The following SGCD variants were observed in gnomAD, a reference collection of about 807,000 sequenced individuals.
SGCD encodes delta-sarcoglycan.
Under a neutral mutation model 36.6 loss-of-function variants are expected in SGCD, and 18 were observed. That is an observed-to-expected ratio of 0.49 (90% CI 0.34 to 0.73). The LOEUF (loss-of-function observed/expected upper bound fraction) is 0.73, where lower values mean the gene tolerates loss of function less well. SGCD is among the 30% of genes least tolerant of loss of function. The probability of loss-of-function intolerance (pLI) is 0.01; values close to 1 mark genes in which losing one functional copy is unlikely to be tolerated. For synonymous variants in SGCD, 133 were observed against 130.6 expected (o/e 1.02, Z -0.12); for missense variants, 387 against 346.7 (o/e 1.12, Z -0.92).
chr5:156,341,108 G>C (rs1768629330), intron 2 of SGCD, among the ~76,000 whole-genome samples: 1 of 152,098 alleles, frequency 6.6e-6, no homozygotes, highest in Non-Finnish European at 1.5e-5. Flanking sequence ...GCCACTATAC[G>C]ATGCAGCAAA....
intron 3 of SGCD, among the ~76,000 whole-genome samples, chr5:156,132,348 T>C (rs573546574): frequency 6.6e-6 from 1 of 152,138 alleles, no homozygotes; most frequent in African/African-American, 2.4e-5. Flanking sequence ...GTCCTAATAT[T>C]CATGTGGATC....
At chr5:156,033,117 C>CAA (rs112923523) in intron 1 of SGCD, among the ~76,000 whole-genome samples, 6 of 150,230 alleles carry the variant, frequency 4.0e-5, no homozygotes, top group South Asian at 2.1e-4. Context: ...TATAAAAAAA[C>CAA]AAAAAAAAAG....
intron 3 of SGCD, among the ~76,000 whole-genome samples, chr5:156,296,684 A>G (rs940369278): frequency 6.6e-6 from 1 of 152,154 alleles, no homozygotes; most frequent in African/African-American, 2.4e-5. Flanking sequence ...TTTTAAATCT[A>G]ATGAGTCTTA....
intron 3 of SGCD, among the ~76,000 whole-genome samples, chr5:156,311,798 G>C (rs150279558): frequency 3.6e-4 from 55 of 152,278 alleles, no homozygotes; most frequent in African/African-American, 1.3e-3. Flanking sequence ...TTACTTAGTG[G>C]TGTGCTAGAC....
At chr5:155,905,488 C>T (rs1256549907) in intron 1 of SGCD, among the ~76,000 whole-genome samples, 1 of 152,074 alleles carries the variant, frequency 6.6e-6, no homozygotes, top group Non-Finnish European at 1.5e-5. Context: ...GAATGCCTAC[C>T]CTGACTGAGC....
chr5:155,829,643 C>T, the SGCD span, among the ~76,000 whole-genome samples: 2 of 152,154 alleles, frequency 1.3e-5, no homozygotes, highest in African/African-American at 4.8e-5. Context: ...TAACTCATAG[C>T]CTGTTTGAAA....
chr5:155,943,471 T>G (rs1757374888), intron 1 of SGCD, among the ~76,000 whole-genome samples: 1 of 152,188 alleles, frequency 6.6e-6, no homozygotes, highest in Non-Finnish European at 1.5e-5. Flanking sequence ...CAAGAAACTG[T>G]GCTTGATCTA....
At chr5:156,166,974 A>G (rs929088980) in intron 3 of SGCD, among the ~76,000 whole-genome samples, 16 of 152,016 alleles carry the variant, frequency 1.1e-4, no homozygotes, top group African/African-American at 2.4e-5. Flanking sequence ...TTGATTCTCC[A>G]TTCTGACCTT....
chr5:156,159,119 G>A (rs185347895), intron 3 of SGCD, among the ~76,000 whole-genome samples: 16 of 151,606 alleles, frequency 1.1e-4, no homozygotes, highest in Admixed American at 1.0e-3. Flanking sequence ...CACCATTATA[G>A]GAATGGTAAT....
chr5:156,264,060 AG>A lies in SGCD; in HGVS notation c.-43-65473del, dbSNP rs558175022. Among the ~76,000 whole-genome samples the A allele has an allele frequency of 3.7e-3, 560 of 152,160 alleles. 1 individual carries two copies. The highest frequency in any genetic ancestry group is 0.014 in the Middle Eastern group (4 of 294). The stretch of plus-strand genomic sequence containing the variant: ...TTGTTTAGATTGATTGTAAAAAAAA[AG>A]AAAAGAGGATAGTTAGGAAATAGAG... On this transcript the variant is annotated intron_variant, in intron 3 of 9. Coordinates refer to the SGCD transcript ENST00000517913.
In SGCD at chr5:156,697,277, C is replaced by T. The variant is rs537661434; in HGVS notation, c.575+49741C>T. Among the ~76,000 whole-genome samples the T allele has an allele frequency of 3.3e-5, 5 of 152,188 alleles. No homozygotes were observed. In the South Asian group the frequency reaches 1.0e-3, roughly 32 times the overall value. On this transcript the variant is annotated intron_variant, in intron 7 of 8. Coordinates refer to ENST00000337851, the MANE Select transcript of SGCD (RefSeq NM_000337.6). ...TATCTCAATATAGTTGCTTCAGAAA[C>T]AGTATTTAGCATTTGGTTGTTGTTG... is the stretch of plus-strand genomic sequence containing the variant.
the SGCD span, among the ~76,000 whole-genome samples, chr5:155,785,100 C>T: frequency 6.6e-6 from 1 of 151,934 alleles, no homozygotes; most frequent in Non-Finnish European, 1.5e-5. Flanking sequence ...GCACGGTGTT[C>T]ATAGCAAAAC....
At chr5:155,798,523 G>A in the SGCD span, among the ~76,000 whole-genome samples, 43 of 152,126 alleles carry the variant, frequency 2.8e-4, no homozygotes, top group African/African-American at 9.2e-4. Flanking sequence ...TAATTGTATG[G>A]TATGTGTTGG....
intron 7 of SGCD, among the ~76,000 whole-genome samples, chr5:156,678,870 C>A (rs1369703756): frequency 6.6e-6 from 1 of 152,200 alleles, no homozygotes; most frequent in African/African-American, 2.4e-5. Context: ...ATTTTCCACA[C>A]CTGAGAAACC....
the SGCD span, among the ~76,000 whole-genome samples, chr5:155,851,152 C>G: frequency 6.6e-6 from 1 of 152,140 alleles, no homozygotes; most frequent in Non-Finnish European, 1.5e-5. Flanking sequence ...CTTAGTCACA[C>G]ATATCAACTT....
the SGCD span, among the ~76,000 whole-genome samples, chr5:155,738,848 T>C: frequency 1.4e-5 from 2 of 146,428 alleles, no homozygotes; most frequent in African/African-American, 5.0e-5. Flanking sequence ...TGAGAGAGTA[T>C]GTATATGAGA....
intron 4 of SGCD, among the ~76,000 whole-genome samples, chr5:156,544,141 G>A (rs930815034): frequency 2.0e-5 from 3 of 152,174 alleles, no homozygotes; most frequent in Non-Finnish European, 4.4e-5. Flanking sequence ...CTTAGTCTAG[G>A]TGATATTAGC....
At chr5:156,306,277 G>C (rs985057463) in intron 3 of SGCD, among the ~76,000 whole-genome samples, 1 of 152,124 alleles carries the variant, frequency 6.6e-6, no homozygotes, top group Admixed American at 6.5e-5. Flanking sequence ...TCTTTCCCAT[G>C]CTGTTCTCAT....
chr5:155,742,673 A>G, the SGCD span, among the ~76,000 whole-genome samples: 12 of 152,312 alleles, frequency 7.9e-5, no homozygotes, highest in African/African-American at 2.6e-4. Context: ...CAAGCAAGCC[A>G]TTCTCCAGCA....
Sources: gnomAD v4.1 joint callset for allele counts (sites outside exome capture counted in the v4.1 genomes callset) on GRCh38, gnomAD v4.1.1 for gene constraint, MANE v1.5 for transcripts, NCBI Gene and HGNC (gene_info 2026-07-23, HGNC 2026-07-21) for gene names.